Variants in SMC6 observed in about 807,000 individuals in gnomAD.
SMC6 encodes the protein structural maintenance of chromosomes 6, also known as structural maintenance of chromosomes protein 6.
A neutral mutation model predicts 142.2 loss-of-function variants in SMC6; 79 were observed. The observed-to-expected ratio is 0.56, with a 90% confidence interval of 0.46 to 0.67. The LOEUF (loss-of-function observed/expected upper bound fraction) is 0.67. SMC6 is among the 30% of genes least tolerant of loss of function. SMC6 has a pLI of 0.00. For missense variants in SMC6, 1,072 were observed against 1,284.0 expected, an observed-to-expected ratio of 0.83 and a Z score of 2.52; for synonymous variants, 411 against 412.4, an observed-to-expected ratio of 1.00 and a Z score of 0.04.
At chr2:17,701,339 T>C (rs1227742124) in intron 20 of SMC6, among the ~76,000 whole-genome samples, 8 of 152,002 alleles carry the variant, frequency 5.3e-5, no homozygotes, top group Non-Finnish European at 1.0e-4. Context: ...AAAAGCTAAG[T>C]GTCATAAACA....
chr2:17,722,549 T>C (rs918052177), intron 9 of SMC6, among the ~76,000 whole-genome samples: 1 of 152,166 alleles, frequency 6.6e-6, no homozygotes, highest in African/African-American at 2.4e-5. Flanking sequence ...GAAAATTGTC[T>C]CTATCTCCTC....
intron 9 of SMC6, among the ~76,000 whole-genome samples, chr2:17,723,940 A>T (rs1669495260): frequency 6.6e-6 from 1 of 152,186 alleles, no homozygotes; most frequent in Non-Finnish European, 1.5e-5. Flanking sequence ...GTTCTTATTG[A>T]GTGCATATTA....
intron 16 of SMC6, among the ~76,000 whole-genome samples, chr2:17,709,647 A>C (rs1294486596): frequency 6.6e-6 from 1 of 152,190 alleles, no homozygotes; most frequent in East Asian, 1.9e-4. Context: ...CCAGAGGATA[A>C]AGGGAGCAGT....
At chr2:17,740,813 G>T in intron 4 of SMC6, 1 of 361,122 alleles carries the variant, frequency 2.8e-6, no homozygotes, top group Non-Finnish European at 5.5e-6. Flanking sequence ...TCGCACCACT[G>T]CACTCCAACC....
intron 2 of SMC6, among the ~76,000 whole-genome samples, chr2:17,747,987 T>C (rs1374196977): frequency 5.3e-5 from 8 of 152,202 alleles, no homozygotes; most frequent in African/African-American, 1.7e-4. Context: ...GTAGATCCCT[T>C]GCAAGAGTCT....
At chr2:17,731,939 C>A (rs1197134697) in intron 5 of SMC6, 62 bp from the exon 6 acceptor site, 1 of 1,515,232 alleles carries the variant, frequency 6.6e-7, no homozygotes, top group Non-Finnish European at 8.9e-7. Context: ...TACTAGGTTG[C>A]CACAGTTTTC....
Position 17,726,453 on chromosome 2 carries a change from G to T in SMC6, c.560C>A (p.Ser187Tyr). 1 of 1,611,054 alleles carries T rather than the reference G, an allele frequency of 6.2e-7. No individual in the cohort carries two copies. Residue 187 changes from serine (S) to tyrosine (Y), a missense_variant, in exon 8 of 28, where the codon TCT (serine) becomes TAT (tyrosine). This residue lies in a region of SMC6 where 994 missense variants were observed against 1,153.2 expected (regional missense o/e 0.86). Coordinates refer to ENST00000448223, the MANE Select transcript of SMC6 (RefSeq NM_001142286.2). ...CTTGCTCATTTCTTGTGTTAAAACA[G>T]AAACTGGATTATCCACCTCAAACAA... ...HFNIQVDNPV[S>Y]VLTQEMSKQF...
intron 12 of SMC6, among the ~76,000 whole-genome samples, chr2:17,717,585 C>T (rs775129054): frequency 1.3e-5 from 2 of 152,140 alleles, no homozygotes; most frequent in African/African-American, 4.8e-5. Context: ...GCAGGAAAAT[C>T]GCTTAAACCC....
intron 5 of SMC6, among the ~76,000 whole-genome samples, chr2:17,737,864 A>G (rs767813677): frequency 9.9e-5 from 15 of 152,220 alleles, no homozygotes; most frequent in Non-Finnish European, 1.9e-4. Context: ...TATCGTATCA[A>G]TGTGGACTCA....
chr2:17,686,695 C>G (rs1572265261), intron 23 of SMC6, among the ~76,000 whole-genome samples: 1 of 152,058 alleles, frequency 6.6e-6, no homozygotes, highest in East Asian at 1.9e-4. Context: ...CTTTTCTGTA[C>G]ATGTATGACA....
At chr2:17,671,692 T>C (rs1331420345) in intron 25 of SMC6, among the ~76,000 whole-genome samples, 6 of 151,552 alleles carry the variant, frequency 4.0e-5, no homozygotes, top group Admixed American at 3.9e-4. Context: ...ATTTAAATAA[T>C]TTTAAATTTC....
At chr2:17,747,263 C>T (rs1376798165) in intron 2 of SMC6, among the ~76,000 whole-genome samples, 2 of 152,218 alleles carry the variant, frequency 1.3e-5, no homozygotes, top group African/African-American at 2.4e-5. Flanking sequence ...ACCACTCCCA[C>T]TGCAGTGTCA....
In SMC6 at chr2:17,669,884, T is replaced by C. The variant is rs540219026; in HGVS notation, c.3063+539A>G. Among the ~76,000 whole-genome samples, 5 of 152,280 alleles carry C rather than the reference T, an allele frequency of 3.3e-5. No homozygotes were observed. In the South Asian group the frequency reaches 1.0e-3, roughly 32 times the overall value. On this transcript the variant is annotated intron_variant, in intron 26 of 27. Transcript: ENST00000448223. ...GTAGGAATTGGTAATAATATTGTTT[T>C]GTAGATGAAGAAATTGAGACCCAAT...
intron 11 of SMC6, among the ~76,000 whole-genome samples, chr2:17,720,690 A>C (rs1315201742): frequency 1.3e-5 from 2 of 152,178 alleles, no homozygotes; most frequent in African/African-American, 4.8e-5. Flanking sequence ...ACAAAGTTCC[A>C]CTGACAATAT....
At chr2:17,744,446 T>C (rs948618103) in intron 3 of SMC6, among the ~76,000 whole-genome samples, 4 of 152,192 alleles carry the variant, frequency 2.6e-5, no homozygotes, top group African/African-American at 9.6e-5. Context: ...TATTTATTCA[T>C]TTTAAGAGTT....
chr2:17,712,881 G>C (rs1668898217), intron 16 of SMC6, among the ~76,000 whole-genome samples: 1 of 152,188 alleles, frequency 6.6e-6, no homozygotes, highest in African/African-American at 2.4e-5. Flanking sequence ...AAAAGGATTA[G>C]AATCTAGTTT....
chr2:17,724,381 ATG>A (rs1270533386), intron 9 of SMC6, among the ~76,000 whole-genome samples: 1 of 152,230 alleles, frequency 6.6e-6, no homozygotes, highest in African/African-American at 2.4e-5. Flanking sequence ...TTCCTCAAAA[ATG>A]TGAAGTAAAA....
At position 17,749,387 on chromosome 2, in the gene SMC6, A is replaced by C. The variant is rs570801615; in HGVS notation, c.-5-3436T>G. On this transcript the variant is annotated intron_variant, in intron 2 of 27. Transcript: ENST00000448223. ...AATGAAGATTATCAATAAAATAATAAGTTCAAGAAGAAAAATTAATGGCCG... is the reference window on the plus strand; with the variant it reads ...AATGAAGATTATCAATAAAATAATACGTTCAAGAAGAAAAATTAATGGCCG... 9.2e-5 allele frequency among the ~76,000 whole-genome samples: 14 copies of C among 152,302 alleles called. No individual in the cohort carries two copies. The South Asian group carries it at 1.9e-3, about 20-fold the overall frequency.
chr2:17,696,572 TGAG>T, intron 21 of SMC6, 146 bp from the exon 22 acceptor site: 1 of 732,138 alleles, frequency 1.4e-6, no homozygotes, highest in Non-Finnish European at 2.1e-6. Flanking sequence ...TGAATAGAAG[TGAG>T]GAGTTTCCCA....
Sources: gnomAD v4.1 joint callset for allele counts (sites outside exome capture counted in the v4.1 genomes callset) on GRCh38, gnomAD v4.1.1 for gene constraint, gnomAD v4.1.1 regional missense constraint, MANE v1.5 for transcripts, NCBI Gene and HGNC (gene_info 2026-07-23, HGNC 2026-07-21) for gene names.